The following GABRA4 variants were observed in gnomAD, a reference collection of about 807,000 sequenced individuals.
GABRA4 encodes gamma-aminobutyric acid type A receptor subunit alpha4.
Under a neutral mutation model 49.7 loss-of-function variants are expected in GABRA4, and 12 were observed. That is an observed-to-expected ratio of 0.24 (90% CI 0.15 to 0.39). The LOEUF (loss-of-function observed/expected upper bound fraction) is 0.39, where lower values mean the gene tolerates loss of function less well. Among genes scored for constraint, GABRA4 ranks in the 10% least tolerant of loss-of-function variants. The pLI is 1.00. For missense variants in GABRA4, 506 were observed against 686.0 expected (o/e 0.74, Z 2.93); for synonymous variants, 288 against 240.2 (o/e 1.20, Z -1.84).
intron 8 of GABRA4, among the ~76,000 whole-genome samples, chr4:46,956,757 T>G (rs1165919586): frequency 6.6e-6 from 1 of 152,068 alleles, no homozygotes; most frequent in African/African-American, 2.4e-5. Context: ...AAGACTCACT[T>G]TTTGAAAACT....
chr4:46,973,740 C>A (rs946695822), intron 6 of GABRA4, among the ~76,000 whole-genome samples: 1 of 151,710 alleles, frequency 6.6e-6, no homozygotes, highest in Non-Finnish European at 1.5e-5. Context: ...AATAAACATC[C>A]CCCCTACTCA....
rs1018443283 is a variant in GABRA4 at position 46,985,696 on chromosome 4, T to G, written c.206-6598A>C. Among the ~76,000 whole-genome samples the G allele has an allele frequency of 3.3e-5, 5 of 152,002 alleles. No homozygotes were observed. The East Asian group carries it at 9.6e-4, about 29-fold the overall frequency. The stretch of plus-strand genomic sequence containing the variant: ...ATATCCCATAATCTAGATTTTACAA[T>G]GTCTATTTCAGGAAACACCAAATGC... On this transcript the variant is annotated intron_variant, in intron 2 of 8. Transcript: ENST00000264318.
At chr4:46,958,885 C>G (rs1036582601) in intron 8 of GABRA4, among the ~76,000 whole-genome samples, 1 of 151,918 alleles carries the variant, frequency 6.6e-6, no homozygotes, top group African/African-American at 2.4e-5. Context: ...TACCAAATGT[C>G]ATGTAGACTC....
chr4:46,949,682 A>G (rs2109356259), intron 8 of GABRA4, among the ~76,000 whole-genome samples: 1 of 152,262 alleles, frequency 6.6e-6, no homozygotes. Context: ...TGTAGTAATG[A>G]ATTTGATAAA....
At chr4:46,983,587 T>C (rs759386752) in intron 2 of GABRA4, among the ~76,000 whole-genome samples, 15 of 152,108 alleles carry the variant, frequency 9.9e-5, no homozygotes, top group Non-Finnish European at 2.1e-4. Flanking sequence ...TATTTGTATT[T>C]GTATCCTCTG....
At chr4:46,989,193 C>T (rs966353194) in intron 2 of GABRA4, among the ~76,000 whole-genome samples, 2 of 152,134 alleles carry the variant, frequency 1.3e-5, no homozygotes, top group Non-Finnish European at 2.9e-5. Context: ...CTTCAATAAA[C>T]GGAAAATGAG....
At chr4:46,932,404 A>G (rs1262566067) in intron 8 of GABRA4, among the ~76,000 whole-genome samples, 1 of 152,100 alleles carries the variant, frequency 6.6e-6, no homozygotes, top group Non-Finnish European at 1.5e-5. Context: ...CTACTCACAA[A>G]TGTGGAGGAG....
intron 2 of GABRA4, among the ~76,000 whole-genome samples, chr4:46,990,996 T>G (rs1283326232): frequency 6.6e-6 from 1 of 152,096 alleles, no homozygotes; most frequent in Non-Finnish European, 1.5e-5. Context: ...CTGGCCAACA[T>G]GGTGAAACCC....
At chr4:46,982,464 G>A (rs182030581) in intron 2 of GABRA4, among the ~76,000 whole-genome samples, 291 of 152,048 alleles carry the variant, frequency 1.9e-3, no homozygotes, top group African/African-American at 6.6e-3. Flanking sequence ...GGACTTAGAA[G>A]AAACCAATTT....
chr4:46,961,579 T>C lies in GABRA4; in HGVS notation c.1134+3391A>G, dbSNP rs984369106. Among the ~76,000 whole-genome samples, 8 of 152,004 alleles carry C rather than the reference T, an allele frequency of 5.3e-5. 2 individuals carry two copies. The highest frequency in any genetic ancestry group is 1.3e-4 in the Admixed American group (2 of 15,230). On this transcript the variant is annotated intron_variant, in intron 8 of 8. Transcript: ENST00000264318. Reference sequence around the variant, plus strand: ...GGCACAAAGTTGGCACAAATGTATATTTGTTGAATGAGTGAATAAATCAAT... The same window carrying C: ...GGCACAAAGTTGGCACAAATGTATACTTGTTGAATGAGTGAATAAATCAAT...
chr4:46,975,370 A>G (rs1723103842), intron 5 of GABRA4, among the ~76,000 whole-genome samples: 1 of 151,982 alleles, frequency 6.6e-6, no homozygotes, highest in South Asian at 2.1e-4. Context: ...ATATATTCAC[A>G]CTTCAGTAAA....
At chr4:46,937,441 T>C (rs1184661508) in intron 8 of GABRA4, among the ~76,000 whole-genome samples, 1 of 152,188 alleles carries the variant, frequency 6.6e-6, no homozygotes, top group Non-Finnish European at 1.5e-5. Context: ...ATCTTTTTTA[T>C]AGGAAAAAAA....
At chr4:46,978,706 A>AG (rs1723237436) in intron 3 of GABRA4, among the ~76,000 whole-genome samples, 1 of 149,990 alleles carries the variant, frequency 6.7e-6, no homozygotes, top group South Asian at 2.1e-4. Flanking sequence ...AAAAAAAAAA[A>AG]AAAAAAAGAA....
At chr4:46,948,291 T>C (rs548226476) in intron 8 of GABRA4, among the ~76,000 whole-genome samples, 7 of 152,198 alleles carry the variant, frequency 4.6e-5, no homozygotes, top group African/African-American at 1.4e-4. Context: ...GTTTATCCTT[T>C]GGAAACCTAT....
chr4:46,929,358 T>G (rs1210742437), intron 8 of GABRA4, among the ~76,000 whole-genome samples: 12 of 152,028 alleles, frequency 7.9e-5, no homozygotes, highest in Admixed American at 7.9e-4. Context: ...ACTGACATAT[T>G]TTATTTTTCA....
intron 2 of GABRA4, among the ~76,000 whole-genome samples, chr4:46,985,569 T>C (rs934935182): frequency 1.3e-5 from 2 of 151,984 alleles, no homozygotes; most frequent in African/African-American, 2.4e-5. Flanking sequence ...TATAAGGCGG[T>C]GATGTTTAAT....
At chr4:46,934,152 G>A (rs1485416603) in intron 8 of GABRA4, among the ~76,000 whole-genome samples, 2 of 152,036 alleles carry the variant, frequency 1.3e-5, no homozygotes, top group African/African-American at 2.4e-5. Context: ...CTTAATCCTT[G>A]TAAATTAAAA....
chr4:46,989,563 C>A (rs976168644), intron 2 of GABRA4, among the ~76,000 whole-genome samples: 2 of 152,126 alleles, frequency 1.3e-5, no homozygotes, highest in East Asian at 3.8e-4. Context: ...AAAAAGGAAA[C>A]CATTTCAGTT....
rs1043999085 is a variant in GABRA4, at chr4:46,980,414, A to G, written c.206-1316T>C. On this transcript the variant is annotated intron_variant, in intron 2 of 8. Coordinates refer to ENST00000264318, the MANE Select transcript of GABRA4 (RefSeq NM_000809.4). ...AGGCAGAGAGAAATTGGTATCACTT[A>G]ATTCCTTAGCTCCAAAGTTATCTTC... 6.6e-5 allele frequency among the ~76,000 whole-genome samples: 10 copies of G among 150,570 alleles called. No homozygotes were observed. In the South Asian group the frequency reaches 2.1e-3, roughly 31 times the overall value.
Sources: gnomAD v4.1 joint callset for allele counts (sites outside exome capture counted in the v4.1 genomes callset) on GRCh38, gnomAD v4.1.1 for gene constraint, MANE v1.5 for transcripts, NCBI Gene and HGNC (gene_info 2026-07-23, HGNC 2026-07-21) for gene names.